The following KLF12 variants were observed in gnomAD, a reference collection of about 807,000 sequenced individuals.
KLF12 encodes KLF transcription factor 12, also known as Krueppel-like factor 12.
KLF12 carries 9 observed loss-of-function variants against 37.8 expected under a neutral mutation model. The ratio of observed to expected loss-of-function variants is 0.24; its 90% CI spans 0.14 to 0.42. The LOEUF is 0.42. Among genes scored for constraint, KLF12 ranks in the 10% least tolerant of loss-of-function variants. The pLI is 1.00. For missense variants in KLF12, 411 were observed against 516.0 expected (o/e 0.80, Z 1.97); for synonymous variants, 208 against 202.1 (o/e 1.03, Z -0.25).
rs1171295400 is a variant in KLF12 at position 73,690,613 on chromosome 13, T to G, written c.*4877A>C. On this transcript the variant is annotated 3_prime_UTR_variant, in exon 8 of 8. Transcript: ENST00000377669. ...AACCATGACAAGTGGCCACTCTATT[T>G]TGAACAGAACACGAAGAGCATGCTC... is the stretch of plus-strand genomic sequence containing the variant. The G allele has an allele frequency of 6.6e-6, 1 of 152,212 alleles. No individual in the cohort carries two copies. The highest frequency in any genetic ancestry group is 1.5e-5 in the Non-Finnish European group (1 of 68,036). The allele number at this position is 152,212 out of a possible 1,614,324, so 9.4% of individuals were successfully genotyped here.
Position 73,687,903 on chromosome 13 carries a change from T to C in KLF12, c.*7587A>G, listed in dbSNP as rs552082466. ...CTGAGGCGACTGTTTCCACTATTGA[T>C]CTCTTTTCAACTCACTTCAAGTTGT... On this transcript the variant is annotated 3_prime_UTR_variant, in exon 8 of 8. Transcript: ENST00000377669. 2 of 152,320 alleles carry C rather than the reference T, an allele frequency of 1.3e-5. No homozygotes were observed. The highest frequency in any genetic ancestry group is 4.1e-4 in the South Asian group (2 of 4,830). 9.4% of individuals were successfully genotyped at this position (152,320 alleles called of 1,614,324 possible).
At chr13:73,772,962 G>C (rs1297674608) in intron 5 of KLF12, among the ~76,000 whole-genome samples, 8 of 152,206 alleles carry the variant, frequency 5.3e-5, no homozygotes, top group African/African-American at 1.9e-4. Flanking sequence ...GTGGGGGTAA[G>C]TGAGGCAGAA....
Position 73,841,808 on chromosome 13 carries a change from T to TG in KLF12, c.670+4018dup, listed in dbSNP as rs1173478169. Among the ~76,000 whole-genome samples the TG allele has an allele frequency of 3.3e-5, 5 of 152,112 alleles. No homozygotes were observed. The South Asian group carries it at 8.3e-4, about 25-fold the overall frequency. ...CCCGCACCTCCCAGTACCACCACTGTGGGGGGGCTAACTGCTACTTGTCCT... is the reference window on the plus strand; with the variant it reads ...CCCGCACCTCCCAGTACCACCACTGTGGGGGGGGCTAACTGCTACTTGTCCT... On this transcript the variant is annotated intron_variant, in intron 4 of 7. Coordinates refer to ENST00000377669, the MANE Select transcript of KLF12 (RefSeq NM_007249.5).
chr13:73,994,262 A>G (rs776995494), intron 2 of KLF12, among the ~76,000 whole-genome samples: 10 of 152,206 alleles, frequency 6.6e-5, no homozygotes, highest in Non-Finnish European at 1.5e-4. Flanking sequence ...GAGCAGCTAC[A>G]TGAGGAATTA....
chr13:73,822,614 G>A (rs17061524), intron 4 of KLF12, among the ~76,000 whole-genome samples: 36,029 of 151,984 alleles, frequency 0.24, 4,475 homozygotes, highest in East Asian at 0.49. Flanking sequence ...TTTTTTTGAA[G>A]TCACAACAGC....
intron 1 of KLF12, among the ~76,000 whole-genome samples, chr13:74,086,148 T>G (rs958169912): frequency 1.3e-5 from 2 of 151,906 alleles, no homozygotes; most frequent in African/African-American, 4.8e-5. Flanking sequence ...CTTTAAGTTT[T>G]AGGGTACACG....
At chr13:73,739,602 G>C (rs1464174767) in intron 6 of KLF12, among the ~76,000 whole-genome samples, 1 of 151,924 alleles carries the variant, frequency 6.6e-6, no homozygotes, top group Non-Finnish European at 1.5e-5. Context: ...CTGGAGAAAT[G>C]AGCATGCCCA....
the KLF12 span, among the ~76,000 whole-genome samples, chr13:74,174,923 G>A: frequency 3.3e-5 from 5 of 152,276 alleles, no homozygotes; most frequent in Non-Finnish European, 4.4e-5. Flanking sequence ...GAAAAACCAC[G>A]ATCAGAGGAT....
At chr13:74,277,037 A>C in the KLF12 span, among the ~76,000 whole-genome samples, 4 of 152,162 alleles carry the variant, frequency 2.6e-5, no homozygotes, top group African/African-American at 7.2e-5. Flanking sequence ...TACTCTTCTC[A>C]AATCAGCTTC....
intron 3 of KLF12, among the ~76,000 whole-genome samples, chr13:73,924,935 C>T (rs1566462978): frequency 5.3e-5 from 8 of 152,178 alleles, no homozygotes. Context: ...TGAGCCAAGG[C>T]CTAATCCAGA....
At chr13:74,221,151 C>T in the KLF12 span, among the ~76,000 whole-genome samples, 1 of 151,872 alleles carries the variant, frequency 6.6e-6, no homozygotes, top group East Asian at 1.9e-4. Flanking sequence ...ACTACAAGCA[C>T]CGCCGCCACC....
At chr13:73,814,291 T>C (rs562914597) in intron 4 of KLF12, among the ~76,000 whole-genome samples, 5 of 152,328 alleles carry the variant, frequency 3.3e-5, no homozygotes, top group African/African-American at 1.2e-4. Context: ...ATCATGGTCA[T>C]AATGACATTT....
chr13:74,296,228 G>T, the KLF12 span, among the ~76,000 whole-genome samples: 3 of 151,658 alleles, frequency 2.0e-5, no homozygotes, highest in Admixed American at 2.0e-4. Context: ...TGTTGTAGGT[G>T]CTATAATACT....
At chr13:74,039,992 T>TA (rs1180179252) in intron 1 of KLF12, among the ~76,000 whole-genome samples, 1 of 152,228 alleles carries the variant, frequency 6.6e-6, no homozygotes. Flanking sequence ...CAAGTGTGGT[T>TA]AGTAGACAAT....
At chr13:73,991,662 C>A (rs1891974419) in intron 2 of KLF12, among the ~76,000 whole-genome samples, 1 of 152,208 alleles carries the variant, frequency 6.6e-6, no homozygotes, top group Non-Finnish European at 1.5e-5. Flanking sequence ...CAGATAATTG[C>A]AGAGCTAAGG....
At chr13:74,044,642 C>T (rs1384920759) in intron 1 of KLF12, among the ~76,000 whole-genome samples, 1 of 151,940 alleles carries the variant, frequency 6.6e-6, no homozygotes, top group African/African-American at 2.4e-5. Flanking sequence ...GTCAGGAGAT[C>T]GAGACCATCC....
the KLF12 span, among the ~76,000 whole-genome samples, chr13:74,194,906 A>G: frequency 1.3e-5 from 2 of 152,166 alleles, no homozygotes; most frequent in African/African-American, 4.8e-5. Flanking sequence ...AATCTGTTCA[A>G]CTCATAATTA....
chr13:73,957,106 A>T (rs77277253), intron 2 of KLF12, among the ~76,000 whole-genome samples: 17 of 133,884 alleles, frequency 1.3e-4, no homozygotes, highest in Non-Finnish European at 2.3e-4. Flanking sequence ...GAAAGGAAAG[A>T]AAGGAAAAGA....
intron 2 of KLF12, chr13:73,962,134 C>T (rs1242444078): frequency 2.6e-6 from 1 of 381,892 alleles, no homozygotes; most frequent in African/African-American, 2.1e-5. Flanking sequence ...GAATATTAAT[C>T]AGCAATAGAA....
Sources: gnomAD v4.1 joint callset for allele counts (sites outside exome capture counted in the v4.1 genomes callset) on GRCh38, gnomAD v4.1.1 for gene constraint, MANE v1.5 for transcripts, NCBI Gene and HGNC (gene_info 2026-07-23, HGNC 2026-07-21) for gene names.